The following FAM83A variants were observed in gnomAD, a reference collection of about 807,000 sequenced individuals.
FAM83A encodes the protein scaffolding CK1 anchoring protein A.
A neutral mutation model predicts 24.4 loss-of-function variants in FAM83A; 21 were observed. That is an observed-to-expected ratio of 0.86 (90% CI 0.61 to 1.24). FAM83A has a LOEUF of 1.24. Among genes scored for constraint, FAM83A ranks in the 50% most tolerant of loss-of-function variants. The probability of loss-of-function intolerance (pLI) is 0.00; values close to 1 mark genes in which losing one functional copy is unlikely to be tolerated. For synonymous variants in FAM83A, 270 were observed against 252.4 expected, an observed-to-expected ratio of 1.07 and a Z score of -0.66; for missense variants, 617 against 579.8, an observed-to-expected ratio of 1.06 and a Z score of -0.66.
At position 123,182,888 on chromosome 8, in the gene FAM83A, G is replaced by A. The variant is rs753670829; in HGVS notation, c.32G>A (p.Arg11Gln). 5.4e-5 allele frequency: 83 copies of A among 1,523,322 alleles called. 2 individuals carry two copies. Among genetic ancestry groups the A allele is most frequent in the South Asian group, 2.4e-4 (18 of 76,184 alleles). 94.4% of individuals were successfully genotyped at this position (1,523,322 alleles called of 1,614,324 possible). A position where few individuals can be genotyped will look rare whatever the true frequency, so the allele number is the denominator to read the frequency against. Residue 11 changes from arginine to glutamine, a missense_variant, in exon 1 of 4, where the codon CGG becomes CAG. By Grantham distance (43) the Arg-to-Gln change is conservative. Coordinates refer to ENST00000690554, the Ensembl canonical transcript of FAM83A. The stretch of plus-strand genomic sequence containing the variant: ...CGGTCAAGGCACCTGGGCAAAATCC[G>A]GAAGCGTCTGGAAGATGTCAAGAGC...
chr8:123,204,049 AGT>A (rs1008762927), intron 3 of FAM83A, among the ~76,000 whole-genome samples: 1 of 151,942 alleles, frequency 6.6e-6, no homozygotes, highest in African/African-American at 2.4e-5. Flanking sequence ...TGATGTGCTG[AGT>A]TCTAGTTCAG....
At position 123,209,323 on chromosome 8, in the gene FAM83A, A is replaced by T; in HGVS notation, c.*1635A>T. ...ATCCATCCCTCTGTTCCAATTCTCC[A>T]CTGCTCCCAGCATGATCTGGGGCAT... On this transcript the variant is annotated 3_prime_UTR_variant, in exon 4 of 4. Transcript: ENST00000690554. The surrounding 1 kb of genome is among the most constrained non-coding windows in gnomAD (Gnocchi z 4.7). 1.4e-6 allele frequency: 2 copies of T among 1,421,056 alleles called. No homozygotes were observed. Among genetic ancestry groups the T allele is most frequent in the South Asian group, 1.7e-5 (1 of 59,390 alleles). 88.0% of individuals were successfully genotyped at this position (1,421,056 alleles called of 1,614,324 possible). A position where few individuals can be genotyped will look rare whatever the true frequency, so the allele number is the denominator to read the frequency against.
rs1490767214 is a variant in FAM83A, at chr8:123,195,855, C to T, written c.773+1707C>T. On this transcript the variant is annotated intron_variant, in intron 3 of 3. Transcript: ENST00000690554. ...ACCTAATTATGCCCCAAAGGCCCTACACACTAATAGCATCACATTGGGGAT... is the reference window on the plus strand; with the variant it reads ...ACCTAATTATGCCCCAAAGGCCCTATACACTAATAGCATCACATTGGGGAT... Among the ~76,000 whole-genome samples the T allele has an allele frequency of 2.0e-5, 3 of 152,220 alleles. No individual in the cohort carries two copies. The East Asian group carries it at 5.8e-4, about 29-fold the overall frequency.
In FAM83A at chr8:123,209,821, C is replaced by T. The variant is rs923400691; in HGVS notation, c.*2133C>T. The T allele has an allele frequency of 1.7e-4, 83 of 474,642 alleles. No homozygotes were observed. Among genetic ancestry groups the T allele is most frequent in the Non-Finnish European group, 2.9e-4 (75 of 263,068 alleles). The allele number at this position is 474,642 out of a possible 1,614,324, so 29.4% of individuals were successfully genotyped here. A position where few individuals can be genotyped will look rare whatever the true frequency, so the allele number is the denominator to read the frequency against. On this transcript the variant is annotated 3_prime_UTR_variant, in exon 4 of 4. Coordinates refer to ENST00000690554, the Ensembl canonical transcript of FAM83A. This position sits in a 1 kb window ranked among gnomAD's most constrained non-coding sequence, Gnocchi z 4.7. ...TTTCTCCTCTCCTGGGCACCTGTAA[C>T]ATGTGATGCGCTGCCTGCTGGGAGG...
Position 123,191,991 on chromosome 8 carries a change from C to T in FAM83A, c.648+21C>T, listed in dbSNP as rs1391830182. ...TCAAGGTAGGGGCCCCAATGAGAGT[C>T]CTAAGGGTACTCATATTAGCCCAGA... On this transcript the variant is annotated intron_variant, in intron 2 of 3. Coordinates refer to ENST00000690554, the Ensembl canonical transcript of FAM83A. The T allele has an allele frequency of 1.9e-6, 3 of 1,612,600 alleles. No individual in the cohort carries two copies. The East Asian group carries it at 6.7e-5, about 36-fold the overall frequency.
At chr8:123,181,842 G>A (rs1018093118), upstream of FAM83A, 20 of 339,106 alleles carry the variant, frequency 5.9e-5, no homozygotes, top group African/African-American at 3.4e-4. Flanking sequence ...ATGATCTTCC[G>A]ACCAACCACT....
intron 3 of FAM83A, among the ~76,000 whole-genome samples, chr8:123,203,914 G>A (rs906052575): frequency 7.3e-4 from 104 of 143,136 alleles, no homozygotes; most frequent in African/African-American, 2.6e-3. Flanking sequence ...CCGAGATCAC[G>A]CCACTGCACT....
At chr8:123,182,362 A>G (rs1823623746), upstream of FAM83A, 4 of 356,336 alleles carry the variant, frequency 1.1e-5, no homozygotes, top group South Asian at 8.3e-5. Context: ...GGAAATTCTT[A>G]TCTTTGAAAC....
upstream of FAM83A, chr8:123,179,077 C>G (rs1823533218): frequency 1.3e-5 from 2 of 152,176 alleles, no homozygotes; most frequent in South Asian, 4.1e-4. Context: ...CTTCCTCTTT[C>G]TGGGCTACAG....
chr8:123,209,337 G>T lies in FAM83A; in HGVS notation c.*1649G>T, dbSNP rs1824659597. The T allele has an allele frequency of 1.4e-6, 2 of 1,446,442 alleles. No homozygotes were observed. Among genetic ancestry groups the T allele is most frequent in the East Asian group, 2.6e-5 (1 of 38,760 alleles). 89.6% of individuals were successfully genotyped at this position (1,446,442 alleles called of 1,614,324 possible). On this transcript the variant is annotated 3_prime_UTR_variant, in exon 4 of 4. Coordinates refer to ENST00000690554, the Ensembl canonical transcript of FAM83A. The surrounding 1 kb of genome is among the most constrained non-coding windows in gnomAD (Gnocchi z 4.7). ...TCCAATTCTCCACTGCTCCCAGCAT[G>T]ATCTGGGGCATCTTGGCTTCTGGTT...
At position 123,205,929 on chromosome 8, in the gene FAM83A, G is replaced by T. The variant is rs537099674; in HGVS notation, c.774-1228G>T. Among the ~76,000 whole-genome samples, 182 of 152,266 alleles carry T rather than the reference G, an allele frequency of 1.2e-3. 1 individual carries two copies. The highest frequency in any genetic ancestry group is 4.2e-3 in the African/African-American group (175 of 41,558). On this transcript the variant is annotated intron_variant, in intron 3 of 3. Coordinates refer to ENST00000690554, the Ensembl canonical transcript of FAM83A. ...GGAGGCCGAGGCGGGCGGATCACGA[G>T]GTCAGGGGTTCGAGACCAGCCTGGC...
rs756763296 is a variant in FAM83A at position 123,207,486 on chromosome 8, G to T, written c.1103G>T (p.Arg368Leu). Residue 368 changes from arginine to leucine, a missense_variant, in exon 4 of 4, where the codon CGG becomes CTG. Physicochemically the swap from Arg to Leu is moderately radical, Grantham distance 102. Coordinates refer to ENST00000690554, the Ensembl canonical transcript of FAM83A. ...GCCCCACACCCGCCTCCACCGCCCCGGTTCCAGCCCCACCAAGGCCCTTGG... is the reference window on the plus strand; with the variant it reads ...GCCCCACACCCGCCTCCACCGCCCCTGTTCCAGCCCCACCAAGGCCCTTGG... 3 of 1,583,852 alleles carry T rather than the reference G, an allele frequency of 1.9e-6. No individual in the cohort carries two copies. The highest frequency in any genetic ancestry group is 4.5e-5 in the East Asian group (2 of 44,096).
chr8:123,194,038 G>A (rs1166569635), exon 3 of FAM83A: 1 of 1,614,188 alleles, frequency 6.2e-7, no homozygotes, highest in Non-Finnish European at 8.5e-7. Context: ...TTTCCATCCG[G>A]AGTGTGGAAG....
intron 1 of FAM83A, among the ~76,000 whole-genome samples, chr8:123,189,472 T>C (rs1019115811): frequency 1.3e-5 from 2 of 152,202 alleles, no homozygotes; most frequent in Non-Finnish European, 2.9e-5. Flanking sequence ...AATGGCCGTA[T>C]TCCCTGTGAA....
At chr8:123,196,806 C>T (rs1824172448) in intron 3 of FAM83A, among the ~76,000 whole-genome samples, 2 of 152,320 alleles carry the variant, frequency 1.3e-5, no homozygotes, top group Admixed American at 6.5e-5. Context: ...TCAGGCACAG[C>T]CAAGGGCAGG....
rs375233966 is a variant in FAM83A at position 123,209,560 on chromosome 8, G to A, written c.*1872G>A. 1.8e-4 allele frequency: 286 copies of A among 1,613,592 alleles called. 4 individuals are homozygous for A. Among genetic ancestry groups the A allele is most frequent in the East Asian group, 1.5e-3 (69 of 44,878 alleles). On this transcript the variant is annotated 3_prime_UTR_variant, in exon 4 of 4. Transcript: ENST00000690554. This position sits in a 1 kb window ranked among gnomAD's most constrained non-coding sequence, Gnocchi z 4.7. ...AGATGAGGTTAGAATGACTGGGCCC[G>A]GCTGAACATTCCAAATTGGATTTCA...
At position 123,188,408 on chromosome 8, in the gene FAM83A, G is replaced by GT. The variant is rs1436958867; in HGVS notation, c.481-3392dup. ...ATGAGGTCATATGCACAATTCTGGT[G>GT]TTTAGGGTTGGACGTATCTTTTGAG... On this transcript the variant is annotated intron_variant, in intron 1 of 3. Transcript: ENST00000690554. Among the ~76,000 whole-genome samples the GT allele has an allele frequency of 2.6e-5, 4 of 152,060 alleles. No individual in the cohort carries two copies. In the East Asian group the frequency reaches 5.8e-4, roughly 22 times the overall value.
chr8:123,203,934 G>A (rs1824451691), intron 3 of FAM83A, among the ~76,000 whole-genome samples: 1 of 144,572 alleles, frequency 6.9e-6, no homozygotes, highest in Middle Eastern at 3.7e-3. Context: ...TCCAGCCTGG[G>A]CAACAAGAGT....
At chr8:123,205,340 C>G (rs1414062126) in intron 3 of FAM83A, among the ~76,000 whole-genome samples, 1 of 152,162 alleles carries the variant, frequency 6.6e-6, no homozygotes, top group East Asian at 1.9e-4. Flanking sequence ...CAACAGAGGG[C>G]GACTGGCTTC....
Sources: gnomAD v4.1 joint callset for allele counts (sites outside exome capture counted in the v4.1 genomes callset) on GRCh38, gnomAD v4.1.1 for gene constraint, Gnocchi (gnomAD v3.1) non-coding constraint, MANE v1.5 for transcripts, NCBI Gene and HGNC (gene_info 2026-07-23, HGNC 2026-07-21) for gene names.